The following AKAP6 variants were observed in gnomAD, a reference collection of about 807,000 sequenced individuals.
AKAP6 encodes the protein A-kinase anchor protein 6.
In AKAP6, 58 loss-of-function variants were observed where a neutral mutation model predicts 188.5. The ratio of observed to expected loss-of-function variants is 0.31; its 90% CI spans 0.25 to 0.38. The LOEUF is 0.38. Ranked by LOEUF, AKAP6 falls within the 10% of genes least tolerant of loss-of-function variation. The probability of loss-of-function intolerance (pLI) is 1.00; values close to 1 mark genes in which losing one functional copy is unlikely to be tolerated. For synonymous variants in AKAP6, 989 were observed against 998.6 expected, an observed-to-expected ratio of 0.99 and a Z score of 0.18; for missense variants, 2,710 against 2,740.0, an observed-to-expected ratio of 0.99 and a Z score of 0.24.
Position 32,559,413 on chromosome 14 carries a change from C to T in AKAP6, c.2346+12414C>T, listed in dbSNP as rs148248794. Among the ~76,000 whole-genome samples, 308 of 152,276 alleles carry T rather than the reference C, an allele frequency of 2.0e-3. 1 individual carries two copies. Among genetic ancestry groups the T allele is most frequent in the African/African-American group, 7.1e-3 (293 of 41,548 alleles). On this transcript the variant is annotated intron_variant, in intron 4 of 13. Transcript: ENST00000280979. ...GAAATCTGGGTTTTATGTGACATCT[C>T]CCAATTTTTAGATGTTGGATCTGAA... is the stretch of plus-strand genomic sequence containing the variant.
chr14:32,811,195 C>T (rs750517815), intron 12 of AKAP6, among the ~76,000 whole-genome samples: 9 of 140,400 alleles, frequency 6.4e-5, no homozygotes, highest in East Asian at 2.2e-4. Flanking sequence ...GCCGAGATTG[C>T]GCCACTGCAC....
intron 2 of AKAP6, among the ~76,000 whole-genome samples, chr14:32,466,304 T>C (rs1400644148): frequency 3.3e-5 from 5 of 152,158 alleles, no homozygotes; most frequent in African/African-American, 1.2e-4. Context: ...CTATTTACAA[T>C]AGCAAAGACT....
chr14:32,715,289 C>T (rs1328237274), intron 9 of AKAP6, among the ~76,000 whole-genome samples: 1 of 151,938 alleles, frequency 6.6e-6, no homozygotes, highest in Non-Finnish European at 1.5e-5. Flanking sequence ...AATTATTTTA[C>T]TTTTACTTAA....
At chr14:32,641,810 C>A (rs1161920868) in intron 7 of AKAP6, among the ~76,000 whole-genome samples, 3 of 152,016 alleles carry the variant, frequency 2.0e-5, no homozygotes, top group Non-Finnish European at 4.4e-5. Context: ...AAAATTCCAT[C>A]TAAGGAAAAT....
chr14:32,805,416 G>T (rs780193955), intron 12 of AKAP6, among the ~76,000 whole-genome samples: 1 of 152,162 alleles, frequency 6.6e-6, no homozygotes, highest in Non-Finnish European at 1.5e-5. Context: ...GTCATCCTGC[G>T]TGTAGGAGGA....
intron 3 of AKAP6, among the ~76,000 whole-genome samples, chr14:32,544,837 A>G (rs1247638547): frequency 6.6e-6 from 1 of 152,194 alleles, no homozygotes; most frequent in Non-Finnish European, 1.5e-5. Flanking sequence ...CAAAAAGCAA[A>G]ACAGACATTC....
intron 7 of AKAP6, among the ~76,000 whole-genome samples, chr14:32,643,961 A>G (rs1026346085): frequency 3.3e-5 from 5 of 152,024 alleles, no homozygotes; most frequent in Non-Finnish European, 5.9e-5. Context: ...TTTTCCCCCT[A>G]TTTCTTGTAG....
intron 1 of AKAP6, among the ~76,000 whole-genome samples, chr14:32,398,669 A>G (rs1204256332): frequency 6.6e-6 from 1 of 151,964 alleles, no homozygotes; most frequent in Non-Finnish European, 1.5e-5. Context: ...TAATTGTCAA[A>G]CTGTAGGCCT....
At chr14:32,491,782 A>C (rs928380813) in intron 2 of AKAP6, among the ~76,000 whole-genome samples, 1 of 152,256 alleles carries the variant, frequency 6.6e-6, no homozygotes, top group Non-Finnish European at 1.5e-5. Flanking sequence ...ATTAGGTTGT[A>C]CAAATTTTAT....
At chr14:32,630,737 G>C (rs959000990) in intron 7 of AKAP6, among the ~76,000 whole-genome samples, 1 of 152,004 alleles carries the variant, frequency 6.6e-6, no homozygotes, top group Non-Finnish European at 1.5e-5. Flanking sequence ...CTGATACAAA[G>C]GGGTTAGTTC....
chr14:32,706,166 C>A, intron 9 of AKAP6, among the ~76,000 whole-genome samples: 1 of 152,258 alleles, frequency 6.6e-6, no homozygotes, highest in Non-Finnish European at 1.5e-5. Flanking sequence ...CTCATTGTTG[C>A]CCCATATCAT....
intron 7 of AKAP6, among the ~76,000 whole-genome samples, chr14:32,615,400 A>G (rs987328925): frequency 1.7e-4 from 24 of 139,032 alleles, no homozygotes; most frequent in Admixed American, 2.9e-4. Flanking sequence ...AGCACTTCTT[A>G]TAAGTTCCTT....
chr14:32,811,392 A>G (rs1265946583), intron 12 of AKAP6, among the ~76,000 whole-genome samples: 1 of 152,154 alleles, frequency 6.6e-6, no homozygotes, highest in Non-Finnish European at 1.5e-5. Context: ...AACAAAAATC[A>G]TACTCTATTT....
intron 2 of AKAP6, among the ~76,000 whole-genome samples, chr14:32,444,851 C>G (rs993492116): frequency 6.6e-6 from 1 of 152,148 alleles, no homozygotes; most frequent in Non-Finnish European, 1.5e-5. Flanking sequence ...CAACATTTAC[C>G]TCTGCAAAGG....
chr14:32,616,625 A>G (rs1480634380), intron 7 of AKAP6, among the ~76,000 whole-genome samples: 1 of 152,172 alleles, frequency 6.6e-6, no homozygotes, highest in Non-Finnish European at 1.5e-5. Flanking sequence ...GAGGGAAAGC[A>G]TTAGGAAAAA....
At chr14:32,684,249 T>C (rs1889814913) in intron 8 of AKAP6, among the ~76,000 whole-genome samples, 1 of 152,200 alleles carries the variant, frequency 6.6e-6, no homozygotes, top group Non-Finnish European at 1.5e-5. Flanking sequence ...TGTGGTAAAC[T>C]ATGCCCTCCC....
chr14:32,781,560 CT>C (rs2033251799), intron 12 of AKAP6, among the ~76,000 whole-genome samples: 1 of 152,038 alleles, frequency 6.6e-6, no homozygotes, highest in South Asian at 2.1e-4. Context: ...ATTTTTCATT[CT>C]CATTCCTTGG....
intron 1 of AKAP6, among the ~76,000 whole-genome samples, chr14:32,370,387 G>A (rs182782907): frequency 2.6e-5 from 4 of 152,302 alleles, no homozygotes; most frequent in Admixed American, 2.6e-4. Context: ...AGGTTCTTAA[G>A]AGGAATGCTT....
chr14:32,529,600 A>G (rs181061453), intron 2 of AKAP6, among the ~76,000 whole-genome samples: 7 of 152,294 alleles, frequency 4.6e-5, no homozygotes, highest in African/African-American at 1.7e-4. Context: ...GCTGTTAGCT[A>G]TAGGTTTTTT....
Sources: gnomAD v4.1 joint callset for allele counts (sites outside exome capture counted in the v4.1 genomes callset) on GRCh38, gnomAD v4.1.1 for gene constraint, MANE v1.5 for transcripts, NCBI Gene and HGNC (gene_info 2026-07-23, HGNC 2026-07-21) for gene names.